The following NUP107 variants were observed in gnomAD, a reference collection of about 807,000 sequenced individuals.
NUP107 encodes nucleoporin 107.
NUP107 carries 101 observed loss-of-function variants against 141.0 expected under a neutral mutation model. That is an observed-to-expected ratio of 0.72 (90% CI 0.61 to 0.84). The LOEUF (loss-of-function observed/expected upper bound fraction) is 0.84, where lower values mean the gene tolerates loss of function less well. NUP107 is among the 40% of genes least tolerant of loss of function. The probability of loss-of-function intolerance (pLI) is 0.00; values close to 1 mark genes in which losing one functional copy is unlikely to be tolerated. For missense variants in NUP107, 941 were observed against 1,102.7 expected, an observed-to-expected ratio of 0.85 and a Z score of 2.08; for synonymous variants, 319 against 363.9, an observed-to-expected ratio of 0.88 and a Z score of 1.41.
At chr12:68,725,539 G>GT (rs1446943657) in intron 17 of NUP107, among the ~76,000 whole-genome samples, 188 bp from the exon 18 acceptor site, 1 of 152,158 alleles carries the variant, frequency 6.6e-6, no homozygotes, top group Non-Finnish European at 1.5e-5. Flanking sequence ...TTTGTAAGCT[G>GT]TGAGTATATT....
intron 19 of NUP107, 72 bp downstream of exon 19, chr12:68,726,689 CT>C (rs963898975): frequency 1.5e-5 from 14 of 926,114 alleles, no homozygotes; most frequent in Non-Finnish European, 2.2e-5. Flanking sequence ...GAAAACACTA[CT>C]TTTTTTATTA....
At position 68,690,651 on chromosome 12, in the gene NUP107, T is replaced by G. The variant is rs1475355644; in HGVS notation, c.208T>G (p.Leu70Val). The G allele has an allele frequency of 6.2e-7, 1 of 1,614,180 alleles. No homozygotes were observed. The highest frequency in any genetic ancestry group is 1.1e-5 in the South Asian group (1 of 91,090). The change falls in exon 4 of 28, where the codon TTA (leucine) becomes GTA (valine). Residue 70 changes from leucine (L) to valine (V), a missense_variant. By Grantham distance (32) the Leu-to-Val change is conservative. Transcript: ENST00000229179. ...TATAGTTACCCCAACAAGCCGAAGC[T>G]TACTAAGGCAGCCAGATATTTCCTG... ...RQPFTPTSRS[L>V]LRQPDISCIL...
chr12:68,716,080 C>T (rs1335042646), intron 12 of NUP107, among the ~76,000 whole-genome samples: 1 of 151,084 alleles, frequency 6.6e-6, no homozygotes, highest in African/African-American at 2.4e-5. Context: ...TTTTTTGAGA[C>T]AGTGTCTTGC....
At chr12:68,709,173 AAAT>A in intron 8 of NUP107, 62 bp from the exon 9 acceptor site, 2 of 1,100,126 alleles carry the variant, frequency 1.8e-6, no homozygotes, top group Non-Finnish European at 1.3e-6. Context: ...CTTTCTATTA[AAAT>A]AATATTTCTT....
intron 19 of NUP107, 24 bp from the exon 20 acceptor site, chr12:68,727,327 A>T: frequency 7.8e-7 from 1 of 1,285,194 alleles, no homozygotes; most frequent in Non-Finnish European, 1.1e-6. Context: ...TGTATTTATA[A>T]TTATGTCTTT....
intron 26 of NUP107, 115 bp from the exon 27 acceptor site, chr12:68,741,698 G>T: frequency 4.9e-6 from 4 of 808,284 alleles, no homozygotes; most frequent in Middle Eastern, 3.6e-4. Context: ...ATACTTTTTT[G>T]CTGTTAAATC....
intron 8 of NUP107, among the ~76,000 whole-genome samples, chr12:68,708,622 T>A (rs977134610): frequency 1.3e-5 from 2 of 152,056 alleles, no homozygotes; most frequent in Non-Finnish European, 2.9e-5. Context: ...TATTACAGTT[T>A]TTTTTTTTTT....
At position 68,740,898 on chromosome 12, in the gene NUP107, T is replaced by C. The variant is rs138979173; in HGVS notation, c.2503-915T>C. ...TATTTTTTTTTTTAAATAGAAAAAT[T>C]AGCCGGGCATGGTGGCACATGCCTG... On this transcript the variant is annotated intron_variant, in intron 26 of 27. Coordinates refer to ENST00000229179, the MANE Select transcript of NUP107 (RefSeq NM_020401.4). Among the ~76,000 whole-genome samples the C allele has an allele frequency of 1.3e-3, 198 of 151,750 alleles. 1 individual carries two copies. Among genetic ancestry groups the C allele is most frequent in the Non-Finnish European group, 2.1e-3 (144 of 67,900 alleles).
At chr12:68,700,389 T>A (rs1876271505) in intron 6 of NUP107, among the ~76,000 whole-genome samples, 1 of 152,256 alleles carries the variant, frequency 6.6e-6, no homozygotes, top group South Asian at 2.1e-4. Flanking sequence ...TGTTGGCTTA[T>A]GTTATGATTT....
At chr12:68,712,692 A>G (rs1319984722) in intron 10 of NUP107, among the ~76,000 whole-genome samples, 1 of 148,884 alleles carries the variant, frequency 6.7e-6, no homozygotes, top group African/African-American at 2.5e-5. Context: ...ACAATTTTTA[A>G]TGAGTTAATC....
At chr12:68,742,283 C>T (rs1239384884) in intron 27 of NUP107, 72 bp from the exon 28 acceptor site, 3 of 939,222 alleles carry the variant, frequency 3.2e-6, no homozygotes, top group East Asian at 2.4e-5. Flanking sequence ...CTAATCAGAT[C>T]GATTAGGTAA....
chr12:68,715,703 A>C lies in NUP107; in HGVS notation c.1046A>C (p.Tyr349Ser). 1.2e-6 allele frequency: 2 copies of C among 1,612,284 alleles called. No individual in the cohort carries two copies. The highest frequency in any genetic ancestry group is 1.7e-6 in the Non-Finnish European group (2 of 1,178,458). ...DREDEVRLLK[Y>S]LFTLIRAGMT... The stretch of plus-strand genomic sequence containing the variant: ...GAAGATGAAGTTAGATTACTCAAAT[A>C]TCTCTTTACTCTAATCCGTGCTGGA... The change falls in exon 12 of 28, where the codon TAT (tyrosine) becomes TCT (serine). Residue 349 changes from tyrosine (Y) to serine (S), a missense_variant. Tyr to Ser is a moderately radical substitution (Grantham distance 144). Coordinates refer to ENST00000229179, the MANE Select transcript of NUP107 (RefSeq NM_020401.4).
At chr12:68,734,950 TA>T in intron 25 of NUP107, 117 bp downstream of exon 25, 8 of 1,181,196 alleles carry the variant, frequency 6.8e-6, no homozygotes, top group Non-Finnish European at 9.5e-6. Flanking sequence ...ATCTCCCTGT[TA>T]ATGTCCTGCT....
intron 8 of NUP107, among the ~76,000 whole-genome samples, chr12:68,704,387 G>A (rs1412571448): frequency 6.6e-6 from 1 of 151,912 alleles, no homozygotes; most frequent in African/African-American, 2.4e-5. Flanking sequence ...ATATATGCCT[G>A]TTAAATCATC....
intron 10 of NUP107, among the ~76,000 whole-genome samples, chr12:68,712,351 C>CG (rs546467970): frequency 1.8e-4 from 24 of 136,594 alleles, no homozygotes; most frequent in African/African-American, 6.6e-4. Flanking sequence ...GTCGTGGTGG[C>CG]GGGCACCAGT....
intron 26 of NUP107, among the ~76,000 whole-genome samples, chr12:68,741,027 CAG>C (rs1381756148): frequency 3.3e-5 from 5 of 149,482 alleles, no homozygotes; most frequent in Non-Finnish European, 5.9e-5. Context: ...GACTGGGCGA[CAG>C]AGTGAGATGC....
chr12:68,736,932 C>T lies in NUP107; in HGVS notation c.2502+1588C>T, dbSNP rs375481775. ...GGCCAGGCTGGTCTCGAACTCCTGA[C>T]CTCAGGTGACCCACCTGCCTTGGCC... On this transcript the variant is annotated intron_variant, in intron 26 of 27. Transcript: ENST00000229179. Among the ~76,000 whole-genome samples the T allele has an allele frequency of 7.8e-4, 118 of 151,998 alleles. 1 individual carries two copies. In the East Asian group the frequency reaches 0.017, roughly 22 times the overall value.
chr12:68,740,226 A>T (rs1338694734), intron 26 of NUP107: 1 of 152,210 alleles, frequency 6.6e-6, no homozygotes, highest in African/African-American at 2.4e-5. Context: ...AGACAGAAAG[A>T]CTACATTGGA....
chr12:68,710,184 C>A, intron 10 of NUP107, 91 bp downstream of exon 10: 1 of 679,936 alleles, frequency 1.5e-6, no homozygotes, highest in Non-Finnish European at 2.6e-6. Flanking sequence ...TTACTTTGTT[C>A]ACACTACTTT....
Sources: allele counts gnomAD v4.1 joint callset (sites outside exome capture counted in the v4.1 genomes callset), GRCh38; gene constraint gnomAD v4.1.1; transcripts MANE v1.5; gene names NCBI Gene and HGNC (gene_info 2026-07-23, HGNC 2026-07-21).